Variants in LRRC37A2 observed in about 807,000 individuals in gnomAD.
The protein encoded by LRRC37A2 is leucine rich repeat containing 37 member A2.
A neutral mutation model predicts 68.8 loss-of-function variants in LRRC37A2; 9 were observed. The ratio of observed to expected loss-of-function variants is 0.13; its 90% CI spans 0.08 to 0.23. LRRC37A2 has a LOEUF of 0.23. Ranked by LOEUF, LRRC37A2 falls within the 10% of genes least tolerant of loss-of-function variation. The pLI is 1.00. For synonymous variants in LRRC37A2, 63 were observed against 367.6 expected (o/e 0.17, Z 9.48); for missense variants, 168 against 950.4 (o/e 0.18, Z 10.82).
the LRRC37A2 span, among the ~76,000 whole-genome samples, chr17:46,784,326 C>A: frequency 9.2e-5 from 14 of 152,224 alleles, no homozygotes; most frequent in Admixed American, 6.5e-4. Flanking sequence ...GTGCGTGGGG[C>A]CAGAGGGACT....
chr17:46,781,296 G>T, the LRRC37A2 span, among the ~76,000 whole-genome samples: 1 of 151,444 alleles, frequency 6.6e-6, no homozygotes, highest in South Asian at 2.1e-4. Context: ...GAGGAAACTT[G>T]AAAACAAGCT....
chr17:46,729,008 TTAAA>T, the LRRC37A2 span: 15 of 910,662 alleles, frequency 1.6e-5, no homozygotes, highest in Non-Finnish European at 5.0e-6. Context: ...GATACAATCT[TTAAA>T]TAAGCAGGTT....
chr17:46,947,770 G>A, the LRRC37A2 span, among the ~76,000 whole-genome samples: 5 of 151,550 alleles, frequency 3.3e-5, no homozygotes, highest in African/African-American at 1.2e-4. Context: ...ACTAGAAATA[G>A]TTTTTTTTTC....
At chr17:46,580,257 G>A in the LRRC37A2 span, among the ~76,000 whole-genome samples, 1 of 150,302 alleles carries the variant, frequency 6.7e-6, no homozygotes. Context: ...CCCGCACCTC[G>A]TTAAGACGTC....
At chr17:46,810,878 G>A in the LRRC37A2 span, among the ~76,000 whole-genome samples, 2 of 152,122 alleles carry the variant, frequency 1.3e-5, no homozygotes, top group Non-Finnish European at 2.9e-5. Context: ...CCAGGTCTCA[G>A]GTGCCCTAAC....
the LRRC37A2 span, among the ~76,000 whole-genome samples, chr17:46,994,321 G>A: frequency 6.6e-5 from 10 of 151,474 alleles, no homozygotes; most frequent in African/African-American, 1.5e-4. Context: ...GGAGGCGAAC[G>A]TTGTAGTGAG....
the LRRC37A2 span, among the ~76,000 whole-genome samples, chr17:46,839,614 T>C: frequency 6.6e-6 from 1 of 152,246 alleles, no homozygotes; most frequent in East Asian, 1.9e-4. Context: ...ACATGTGCCA[T>C]GTTGATGTGC....
At chr17:46,768,818 A>G in the LRRC37A2 span, 1 of 1,610,896 alleles carries the variant, frequency 6.2e-7, no homozygotes, top group Non-Finnish European at 8.5e-7. This position sits in a 1 kb window ranked among gnomAD's most constrained non-coding sequence, Gnocchi z 5.0. Context: ...GAGAAGTGGC[A>G]GCTGGCCAAC....
chr17:46,853,255 T>G, the LRRC37A2 span, among the ~76,000 whole-genome samples: 1 of 151,850 alleles, frequency 6.6e-6, no homozygotes, highest in Non-Finnish European at 1.5e-5. Flanking sequence ...TCTCTCAATC[T>G]GTAAAATGAA....
At chr17:46,872,512 T>C in the LRRC37A2 span, 1 of 1,534,546 alleles carries the variant, frequency 6.5e-7, no homozygotes, top group Admixed American at 2.0e-5. Flanking sequence ...TCTCGCTCTC[T>C]CTAGCCTGAC....
the LRRC37A2 span, among the ~76,000 whole-genome samples, chr17:47,003,240 A>G: frequency 1.8e-4 from 22 of 119,284 alleles, no homozygotes; most frequent in Non-Finnish European, 3.3e-4. Flanking sequence ...GACAATAGAG[A>G]CTCAAAAAAA....
At chr17:46,951,027 C>T in the LRRC37A2 span, among the ~76,000 whole-genome samples, 72 of 152,342 alleles carry the variant, frequency 4.7e-4, no homozygotes, top group African/African-American at 1.7e-3. Context: ...CCCAACTACA[C>T]GCCCATGGCC....
the LRRC37A2 span, among the ~76,000 whole-genome samples, chr17:46,729,509 G>C: frequency 1.3e-5 from 2 of 149,190 alleles, no homozygotes; most frequent in African/African-American, 5.0e-5. Context: ...ATTTTGGTAG[G>C]TTAACAAATT....
chr17:46,806,526 C>T, the LRRC37A2 span, among the ~76,000 whole-genome samples: 5 of 152,246 alleles, frequency 3.3e-5, no homozygotes, highest in African/African-American at 1.2e-4. Flanking sequence ...AGTTTTCTCA[C>T]AGGTAACATG....
the LRRC37A2 span, among the ~76,000 whole-genome samples, chr17:46,745,548 C>T: frequency 6.6e-6 from 1 of 152,258 alleles, no homozygotes; most frequent in African/African-American, 2.4e-5. Context: ...AAACTGGCAG[C>T]GATTTTAAAA....
At chr17:46,875,457 A>C in the LRRC37A2 span, 5 of 1,437,096 alleles carry the variant, frequency 3.5e-6, no homozygotes, top group African/African-American at 1.4e-5. Flanking sequence ...CCCACTCCCC[A>C]AAATACATGA....
At chr17:46,872,789 A>AGGGGACGGGGAGGGCTG in the LRRC37A2 span, 11 of 1,148,544 alleles carry the variant, frequency 9.6e-6, no homozygotes, top group African/African-American at 1.7e-4. Context: ...GAGGAGGGCT[A>AGGGGACGGGGAGGGCTG]GGGGACGGGG....
the LRRC37A2 span, chr17:46,768,424 T>C: frequency 6.2e-7 from 1 of 1,613,886 alleles, no homozygotes; most frequent in Admixed American, 1.7e-5. This position sits in a 1 kb window ranked among gnomAD's most constrained non-coding sequence, Gnocchi z 5.0. Flanking sequence ...TTCTCCGTCC[T>C]CGTGTTGTGG....
the LRRC37A2 span, among the ~76,000 whole-genome samples, chr17:46,905,068 CCTTTTTTTTT>C: frequency 2.0e-5 from 3 of 151,840 alleles, no homozygotes; most frequent in Admixed American, 2.0e-4. Context: ...AGAGAAAAGA[CCTTTTTTTTT>C]CTTTTTTTTT....
Sources: allele counts gnomAD v4.1 joint callset (sites outside exome capture counted in the v4.1 genomes callset), GRCh38; gene constraint gnomAD v4.1.1; non-coding constraint Gnocchi (gnomAD v3.1); transcripts MANE v1.5; gene names NCBI Gene and HGNC (gene_info 2026-07-23, HGNC 2026-07-21).